The following LMO7 variants were observed in gnomAD, a reference collection of about 807,000 sequenced individuals.
LMO7 encodes the protein LIM domain 7.
In LMO7, 120 loss-of-function variants were observed where a neutral mutation model predicts 206.5. The ratio of observed to expected loss-of-function variants is 0.58; its 90% CI spans 0.50 to 0.68. The LOEUF (loss-of-function observed/expected upper bound fraction) is 0.68. LMO7 is among the 30% of genes least tolerant of loss of function. The pLI is 0.00. For synonymous variants in LMO7, 706 were observed against 681.5 expected, an observed-to-expected ratio of 1.04 and a Z score of -0.56; for missense variants, 1,959 against 1,957.9, an observed-to-expected ratio of 1.00 and a Z score of -0.01.
In LMO7 at chr13:75,711,568, G is replaced by A. The variant is rs536028521; in HGVS notation, c.70-1614G>A. On this transcript the variant is annotated intron_variant, in intron 1 of 30. Transcript: ENST00000377534. ...TTTCCCGGACCCCTTGTGCTTCCTG[G>A]GCGAGACGATGCCTCGCCCTGCTTC... Among the ~76,000 whole-genome samples the A allele has an allele frequency of 1.6e-4, 24 of 152,236 alleles. No individual in the cohort carries two copies. In the East Asian group the frequency reaches 4.6e-3, roughly 29 times the overall value.
At chr13:75,773,593 A>G (rs201190833) in intron 4 of LMO7, among the ~76,000 whole-genome samples, 1 of 152,182 alleles carries the variant, frequency 6.6e-6, no homozygotes, top group Non-Finnish European at 1.5e-5. Context: ...GTAAGACGTG[A>G]TGAGGATTGA....
chr13:75,814,851 G>T (rs1300452653), intron 11 of LMO7, among the ~76,000 whole-genome samples: 3 of 152,160 alleles, frequency 2.0e-5, no homozygotes, highest in African/African-American at 7.2e-5. Context: ...TGGGTGAAGA[G>T]CATTCCAGGC....
chr13:75,796,780 G>T (rs747654486), intron 6 of LMO7, 31 bp downstream of exon 6: 1 of 1,267,812 alleles, frequency 7.9e-7, no homozygotes, highest in Non-Finnish European at 1.2e-6. Context: ...TGAGATTACT[G>T]CTGTAATACA....
chr13:75,766,010 A>G (rs2048823040), intron 4 of LMO7, among the ~76,000 whole-genome samples: 2 of 152,142 alleles, frequency 1.3e-5, no homozygotes, highest in Admixed American at 6.5e-5. Flanking sequence ...TTGGTGGCCA[A>G]TCTAAATAGC....
chr13:75,853,123 C>T lies in LMO7; in HGVS notation c.4396C>T (p.Arg1466Ter), dbSNP rs777805981. ...GESLDNLDSPRSNSWRQPPWL... is the reference protein window; with the variant it reads ...GESLDNLDSP ...ATCTTTAGATAACCTGGACTCCCCCCGATCCAATTCTTGGAGACAGCCTCC... is the reference window on the plus strand; with the variant it reads ...ATCTTTAGATAACCTGGACTCCCCCTGATCCAATTCTTGGAGACAGCCTCC... Residue 1466 changes from arginine to a stop codon, truncating the protein, a stop_gained, in exon 28 of 31, where the codon CGA (arginine) becomes TGA (stop). Coordinates refer to ENST00000377534, the MANE Select transcript of LMO7 (RefSeq NM_001306080.2). LOFTEE classifies it high-confidence loss of function. 2.0e-5 allele frequency: 32 copies of T among 1,612,120 alleles called. No individual in the cohort carries two copies. The highest frequency in any genetic ancestry group is 2.5e-5 in the Non-Finnish European group (30 of 1,178,954).
In LMO7 at chr13:75,821,344, A is replaced by G. The variant is rs768549930; in HGVS notation, c.2375A>G (p.Lys792Arg). ...KGATYPSEIP[K>R]EDSTTFAKRE... Reference sequence around the variant, plus strand: ...GCAACTTATCCTTCAGAAATTCCCAAAGAAGATTCTACCACTTTTGCAAAA... The same window carrying G: ...GCAACTTATCCTTCAGAAATTCCCAGAGAAGATTCTACCACTTTTGCAAAA... The change falls in exon 14 of 31, where the codon AAA (lysine) becomes AGA (arginine). Residue 792 changes from lysine (K) to arginine (R), a missense_variant. Coordinates refer to ENST00000377534, the MANE Select transcript of LMO7 (RefSeq NM_001306080.2). 21 of 1,614,064 alleles carry G rather than the reference A, an allele frequency of 1.3e-5. No individual in the cohort carries two copies. Among genetic ancestry groups the G allele is most frequent in the Admixed American group, 6.7e-5 (4 of 60,004 alleles).
chr13:75,812,144 G>C (rs2056473977), intron 11 of LMO7, among the ~76,000 whole-genome samples: 1 of 84,290 alleles, frequency 1.2e-5, no homozygotes, highest in Admixed American at 1.1e-4. Flanking sequence ...TGCCTTCATA[G>C]CCAGAGATAC....
In LMO7 at chr13:75,845,387, C is replaced by T. The variant is rs566129586; in HGVS notation, c.4150+8C>T. ...ACTCCACAAATAAAAATGGTAAATG[C>T]GATATTTTCCCCCAAACTCCTTCAG... On this transcript the variant is annotated splice_region_variant and intron_variant, in intron 26 of 30. Coordinates refer to ENST00000377534, the MANE Select transcript of LMO7 (RefSeq NM_001306080.2). The T allele has an allele frequency of 4.8e-5, 74 of 1,551,218 alleles. No homozygotes were observed. The East Asian group carries it at 1.3e-3, about 28-fold the overall frequency.
rs754587809 is a variant in LMO7, at chr13:75,840,512, T to A, written c.3582+17T>A. 6.2e-7 allele frequency: 1 copy of A among 1,612,424 alleles called. No individual in the cohort carries two copies. Among genetic ancestry groups the A allele is most frequent in the South Asian group, 1.1e-5 (1 of 90,692 alleles). ...CTACTGCAGGTAGCTCTGGCTCACG[T>A]GGACGGGTAGAAACTAGGTTGGATT... On this transcript the variant is annotated intron_variant, in intron 22 of 30. Coordinates refer to ENST00000377534, the MANE Select transcript of LMO7 (RefSeq NM_001306080.2).
At chr13:75,850,839 G>GA (rs979462171) in intron 27 of LMO7, among the ~76,000 whole-genome samples, 1 of 151,718 alleles carries the variant, frequency 6.6e-6, no homozygotes, top group African/African-American at 2.4e-5. Flanking sequence ...TTGAAAATGT[G>GA]AAAAAAGTCT....
rs566476636 is a variant in LMO7 at position 75,807,603 on chromosome 13, T to C, written c.1320T>C (p.Tyr440=). Residue 440 remains tyrosine, a synonymous_variant, in exon 10 of 31, where the codon TAT becomes TAC. Coordinates refer to ENST00000377534, the MANE Select transcript of LMO7 (RefSeq NM_001306080.2). ...TAACCCGCAGGAAGAATCTCTCTTA[T>C]GCACCAGGCTATAGAAGAGATGACC... ...RLITRRKNLS[Y]APGYRRDDLE... 9.3e-6 allele frequency: 15 copies of C among 1,614,010 alleles called. No homozygotes were observed. In the South Asian group the frequency reaches 1.6e-4, roughly 18 times the overall value.
Position 75,800,966 on chromosome 13 carries a change from A to G in LMO7, c.661+84A>G, listed in dbSNP as rs1220320973. 14 of 1,264,226 alleles carry G rather than the reference A, an allele frequency of 1.1e-5. No homozygotes were observed. The South Asian group carries it at 1.1e-4, about 10-fold the overall frequency. The allele number at this position is 1,264,226 out of a possible 1,614,324, so 78.3% of individuals were successfully genotyped here. A position where few individuals can be genotyped will look rare whatever the true frequency, so the allele number is the denominator to read the frequency against. ...AGGAGAGAATAGAAAAATGGAGCAA[A>G]AACTAGGCAAAAATTTCACTTAGAA... On this transcript the variant is annotated intron_variant, in intron 7 of 30. Coordinates refer to ENST00000377534, the MANE Select transcript of LMO7 (RefSeq NM_001306080.2).
intron 4 of LMO7, among the ~76,000 whole-genome samples, chr13:75,783,243 G>A (rs1180806513): frequency 6.6e-6 from 1 of 152,226 alleles, no homozygotes; most frequent in African/African-American, 2.4e-5. Flanking sequence ...GCCCAGCTGA[G>A]GGAGCAGGGT....
At chr13:75,748,615 T>A (rs2047037199) in intron 3 of LMO7, among the ~76,000 whole-genome samples, 1 of 152,060 alleles carries the variant, frequency 6.6e-6, no homozygotes, top group South Asian at 2.1e-4. Flanking sequence ...GGACAATGGA[T>A]GTTGAGGAAA....
intron 1 of LMO7, among the ~76,000 whole-genome samples, chr13:75,700,755 C>T (rs767962216): frequency 1.6e-4 from 25 of 152,184 alleles, no homozygotes; most frequent in Admixed American, 6.5e-5. Context: ...TGTGAATATG[C>T]TGGACAAAGG....
At position 75,805,761 on chromosome 13, in the gene LMO7, G is replaced by A. The variant is rs1408802132; in HGVS notation, c.1196+1G>A. On this transcript the variant is annotated splice_donor_variant, in intron 9 of 30. Transcript: ENST00000377534. LOFTEE classifies it high-confidence loss of function. ...GGTATAAAGAATTTCAGGGATTCAG[G>A]TTTGTCGTTGTGCATGTTTCTGTCA... 3 of 1,612,774 alleles carry A rather than the reference G, an allele frequency of 1.9e-6. No homozygotes were observed. The East Asian group carries it at 6.7e-5, about 36-fold the overall frequency.
chr13:75,687,157 AT>A (rs1428135079), intron 1 of LMO7, among the ~76,000 whole-genome samples: 1 of 152,090 alleles, frequency 6.6e-6, no homozygotes, highest in African/African-American at 2.4e-5. Flanking sequence ...TCCTGGATTT[AT>A]TTTTTGTGAC....
At chr13:75,679,665 T>G (rs964074241) in intron 1 of LMO7, among the ~76,000 whole-genome samples, 32 of 152,134 alleles carry the variant, frequency 2.1e-4, no homozygotes, top group Non-Finnish European at 3.4e-4. Context: ...ACTGCAGCCT[T>G]GACCTCCTGG....
chr13:75,834,320 G>A lies in LMO7; in HGVS notation c.3159G>A (p.Glu1053=). ...KFSYNDSKEW[E]EAMAKAQETG... ...CATATAACGATTCAAAAGAGTGGGA[G>A]GAAGCCATGGCTAAGGCTCAAGAAA... The change falls in exon 17 of 31, where the codon GAG becomes GAA. Residue 1053 remains glutamate, a synonymous_variant. Transcript: ENST00000377534. 6.2e-7 allele frequency: 1 copy of A among 1,611,164 alleles called. No homozygotes were observed.
Sources: gnomAD v4.1 joint callset for allele counts (sites outside exome capture counted in the v4.1 genomes callset) on GRCh38, gnomAD v4.1.1 for gene constraint, MANE v1.5 for transcripts, NCBI Gene and HGNC (gene_info 2026-07-23, HGNC 2026-07-21) for gene names.